AS3MT: variants seen among roughly 807,000 people sequenced by gnomAD.
AS3MT encodes the protein arsenite methyltransferase.
AS3MT carries 47 observed loss-of-function variants against 45.3 expected under a neutral mutation model. The ratio of observed to expected loss-of-function variants is 1.04; its 90% CI spans 0.82 to 1.32. The LOEUF (loss-of-function observed/expected upper bound fraction) is 1.32. AS3MT is among the 40% of genes most tolerant of loss of function. AS3MT has a pLI of 0.00. For missense variants in AS3MT, 396 were observed against 451.1 expected (o/e 0.88, Z 1.11); for synonymous variants, 141 against 152.8 (o/e 0.92, Z 0.57).
intron 9 of AS3MT, among the ~76,000 whole-genome samples, chr10:102,882,061 T>C (rs2134118519): frequency 6.6e-6 from 1 of 152,084 alleles, no homozygotes; most frequent in East Asian, 1.9e-4. Flanking sequence ...TGCCTTAGCC[T>C]CCCAAGTAGC....
Position 102,890,646 on chromosome 10 carries a change from A to G in AS3MT, c.988A>G (p.Thr330Ala), listed in dbSNP as rs1310276047. 6.2e-7 allele frequency: 1 copy of G among 1,613,688 alleles called. No individual in the cohort carries two copies. The highest frequency in any genetic ancestry group is 8.5e-7 in the Non-Finnish European group (1 of 1,179,854). Residue 330 changes from threonine to alanine, a missense_variant, in exon 10 of 11, where the codon ACA becomes GCA. By Grantham distance (58) the Thr-to-Ala change is moderately conservative. Coordinates refer to ENST00000369880, the MANE Select transcript of AS3MT (RefSeq NM_020682.4). ...LIRPIGEKLP[T>A]SGGCSALELK... ...CAGACCAATTGGAGAGAAGTTGCCA[A>G]CATCTGGAGGCTGTTCTGCTTTGGA...
intron 1 of AS3MT, 44 bp from the exon 2 acceptor site, chr10:102,869,761 C>G (rs751487371): frequency 1.2e-6 from 2 of 1,613,918 alleles, no homozygotes; most frequent in Admixed American, 1.7e-5. Flanking sequence ...CATGCCCGTC[C>G]CTCAGCACCC....
At chr10:102,869,736 A>G (rs2134106889) in intron 1 of AS3MT, 69 bp from the exon 2 acceptor site, 2 of 1,610,690 alleles carry the variant, frequency 1.2e-6, no homozygotes, top group Non-Finnish European at 1.7e-6. Flanking sequence ...CCTGCCCTTT[A>G]CTGGCCCCCT....
At position 102,881,200 on chromosome 10, in the gene AS3MT, G is replaced by A. The variant is rs375648383; in HGVS notation, c.885+2209G>A. Among the ~76,000 whole-genome samples, 1 of 152,178 alleles carries A rather than the reference G, an allele frequency of 6.6e-6. No homozygotes were observed. Among genetic ancestry groups the A allele is most frequent in the Non-Finnish European group, 1.5e-5 (1 of 68,040 alleles). On this transcript the variant is annotated intron_variant, in intron 9 of 10. Transcript: ENST00000369880. This position sits in a 1 kb window ranked among gnomAD's most constrained non-coding sequence, Gnocchi z 4.2. ...ACAGATGAAGTCAGAACACTCACAT[G>A]CATCACGGTCACAGAACTTTAAGTC...
intron 9 of AS3MT, among the ~76,000 whole-genome samples, chr10:102,882,138 A>C (rs1005008306): frequency 2.0e-5 from 3 of 151,786 alleles, no homozygotes; most frequent in Non-Finnish European, 4.4e-5. Context: ...TTGGGATTTC[A>C]CCGTGTTAGC....
chr10:102,877,225 C>T lies in AS3MT; in HGVS notation c.610+190C>T, dbSNP rs577018441. On this transcript the variant is annotated intron_variant, in intron 7 of 10. Transcript: ENST00000369880. Reference sequence around the variant, plus strand: ...AGTTTAATTCATCTCTTTGAGTTATCGTTTTCCAAATTGTAAAATGTAAAT... The same window carrying T: ...AGTTTAATTCATCTCTTTGAGTTATTGTTTTCCAAATTGTAAAATGTAAAT... Among the ~76,000 whole-genome samples, 174 of 152,288 alleles carry T rather than the reference C, an allele frequency of 1.1e-3. 3 individuals are homozygous for T. The South Asian group carries it at 0.035, about 30-fold the overall frequency.
intron 10 of AS3MT, among the ~76,000 whole-genome samples, chr10:102,897,775 A>C (rs1441351005): frequency 6.6e-6 from 1 of 151,960 alleles, no homozygotes; most frequent in Non-Finnish European, 1.5e-5. Flanking sequence ...CACTCTGGCT[A>C]TTTTTTTTAA....
chr10:102,896,651 C>CA (rs920962509), intron 10 of AS3MT, among the ~76,000 whole-genome samples: 3 of 151,196 alleles, frequency 2.0e-5, no homozygotes, highest in Non-Finnish European at 3.0e-5. Flanking sequence ...ACTAAAAATA[C>CA]AAAAAAAATT....
chr10:102,883,742 C>T (rs573101429), intron 9 of AS3MT, among the ~76,000 whole-genome samples: 9 of 151,438 alleles, frequency 5.9e-5, no homozygotes, highest in African/African-American at 1.7e-4. Context: ...AAAAAACCCC[C>T]AATAGTCCAA....
chr10:102,892,117 G>A (rs914366061), intron 10 of AS3MT, among the ~76,000 whole-genome samples: 33 of 151,924 alleles, frequency 2.2e-4, no homozygotes, highest in Non-Finnish European at 5.9e-5. Flanking sequence ...GATAAACCAG[G>A]TTATAATTTT....
intron 9 of AS3MT, among the ~76,000 whole-genome samples, chr10:102,879,464 T>C (rs1427613966): frequency 6.6e-6 from 1 of 151,882 alleles, no homozygotes; most frequent in Non-Finnish European, 1.5e-5. Context: ...GCCCTCAATA[T>C]TTATTATAAA....
In AS3MT at chr10:102,869,550, AGG is replaced by A; in HGVS notation, c.-42_-41del. 6.6e-7 allele frequency: 1 copy of A among 1,525,102 alleles called. No individual in the cohort carries two copies. The highest frequency in any genetic ancestry group is 8.8e-7 in the Non-Finnish European group (1 of 1,139,498). The allele number at this position is 1,525,102 out of a possible 1,614,324, so 94.5% of individuals were successfully genotyped here. A position where few individuals can be genotyped will look rare whatever the true frequency, so the allele number is the denominator to read the frequency against. On this transcript the variant is annotated 5_prime_UTR_variant, in exon 1 of 11. Transcript: ENST00000369880. ...AGTGCGCGCCCTGAGTCGCAGGCCGAGGAGACAGTGAGTGCGCGCCCTGAGTC... is the reference window on the plus strand; with the variant it reads ...AGTGCGCGCCCTGAGTCGCAGGCCGAAGACAGTGAGTGCGCGCCCTGAGTC...
intron 6 of AS3MT, among the ~76,000 whole-genome samples, chr10:102,875,243 G>A (rs748596838): frequency 2.4e-4 from 37 of 152,072 alleles, no homozygotes; most frequent in Non-Finnish European, 1.8e-4. Flanking sequence ...GTGGGAGGCC[G>A]AGGCGGGCAG....
chr10:102,888,483 G>A (rs529523394), intron 9 of AS3MT, among the ~76,000 whole-genome samples: 116 of 151,532 alleles, frequency 7.7e-4, no homozygotes, highest in African/African-American at 2.6e-3. Context: ...GTGCAATGGC[G>A]CAATCTCGGC....
Position 102,900,748 on chromosome 10 carries a change from A to G in AS3MT, c.*48A>G. On this transcript the variant is annotated 3_prime_UTR_variant, in exon 11 of 11. Coordinates refer to ENST00000369880, the MANE Select transcript of AS3MT (RefSeq NM_020682.4). ...ACAGTAGTGGGCAAGAGTGATCTGC[A>G]TGTTTTTTAACCTGCTTTTCCCCAT... The G allele has an allele frequency of 7.0e-7, 1 of 1,437,966 alleles. No individual in the cohort carries two copies. Among genetic ancestry groups the G allele is most frequent in the Non-Finnish European group, 9.8e-7 (1 of 1,020,244 alleles). 89.1% of individuals were successfully genotyped at this position (1,437,966 alleles called of 1,614,324 possible). A position where few individuals can be genotyped will look rare whatever the true frequency, so the allele number is the denominator to read the frequency against.
intron 8 of AS3MT, 43 bp from the exon 9 acceptor site, chr10:102,878,806 G>A (rs961628081): frequency 7.2e-5 from 115 of 1,595,544 alleles, no homozygotes; most frequent in Non-Finnish European, 9.8e-5. Flanking sequence ...GGCAACAACT[G>A]GGGGAGTGCT....
chr10:102,877,133 T>C, intron 7 of AS3MT, 98 bp downstream of exon 7: 2 of 1,195,530 alleles, frequency 1.7e-6, no homozygotes, highest in Non-Finnish European at 2.5e-6. Context: ...TGAGATCACA[T>C]GGGGTTAGGC....
At position 102,881,922 on chromosome 10, in the gene AS3MT, T is replaced by C. The variant is rs12776863; in HGVS notation, c.885+2931T>C. ...GGCTAATTTTTTATTTTTATTTTTT[T>C]GTTGGTGAGACAGGTTTTTTTTTTT... On this transcript the variant is annotated intron_variant, in intron 9 of 10. Coordinates refer to ENST00000369880, the MANE Select transcript of AS3MT (RefSeq NM_020682.4). This position sits in a 1 kb window ranked among gnomAD's most constrained non-coding sequence, Gnocchi z 4.2. Among the ~76,000 whole-genome samples the C allele has an allele frequency of 0.11, 17,159 of 150,442 alleles. 1,165 individuals carry two copies. The highest frequency in any genetic ancestry group is 0.15 in the Non-Finnish European group (9,999 of 67,558).
chr10:102,884,194 G>T (rs1313562199), intron 9 of AS3MT, among the ~76,000 whole-genome samples: 4 of 151,890 alleles, frequency 2.6e-5, no homozygotes, highest in Non-Finnish European at 5.9e-5. Flanking sequence ...TGGCCAGGCT[G>T]GTCTTGAACT....
Sources: gnomAD v4.1 joint callset for allele counts (sites outside exome capture counted in the v4.1 genomes callset) on GRCh38, gnomAD v4.1.1 for gene constraint, Gnocchi (gnomAD v3.1) non-coding constraint, MANE v1.5 for transcripts, NCBI Gene and HGNC (gene_info 2026-07-23, HGNC 2026-07-21) for gene names.